The following BARD1 variants were observed in gnomAD, a reference collection of about 807,000 sequenced individuals.
BARD1 encodes BRCA1 associated RING domain 1, also known as BRCA1-associated RING domain protein 1.
In BARD1, 73 loss-of-function variants were observed where a neutral mutation model predicts 77.0. That is an observed-to-expected ratio of 0.95 (90% CI 0.79 to 1.15). The LOEUF (loss-of-function observed/expected upper bound fraction) is 1.15. Ranked by LOEUF, BARD1 falls within the 50% of genes most tolerant of loss-of-function variation. The pLI is 0.00. For synonymous variants in BARD1, 384 were observed against 338.0 expected, an observed-to-expected ratio of 1.14 and a Z score of -1.49; for missense variants, 993 against 938.8, an observed-to-expected ratio of 1.06 and a Z score of -0.75.
rs541148071 is a variant in BARD1 at position 214,764,625 on chromosome 2, T to A, written c.1568+2857A>T. 3.3e-5 allele frequency among the ~76,000 whole-genome samples: 5 copies of A among 152,282 alleles called. No homozygotes were observed. In the South Asian group the frequency reaches 1.0e-3, roughly 32 times the overall value. On this transcript the variant is annotated intron_variant, in intron 6 of 10. Coordinates refer to ENST00000260947, the MANE Select transcript of BARD1 (RefSeq NM_000465.4). ...TAGCACCAGACCATCCAGGGTCTTA[T>A]AAACCATATTTTGGGATTTAACCTT...
Position 214,807,138 on chromosome 2 carries a change from C to T in BARD1, c.158+2274G>A, listed in dbSNP as rs6752805. 1.5e-3 allele frequency among the ~76,000 whole-genome samples: 225 copies of T among 151,628 alleles called. 1 individual carries two copies. Among genetic ancestry groups the T allele is most frequent in the African/African-American group, 5.2e-3 (214 of 41,340 alleles). ...AAATATTAATTACCTGGCCCTTTAC[C>T]GAAAAAATTTGCAGACCCCTACATG... is the stretch of plus-strand genomic sequence containing the variant. On this transcript the variant is annotated intron_variant, in intron 1 of 10. Transcript: ENST00000260947.
chr2:214,767,400 A>C, intron 6 of BARD1, 82 bp downstream of exon 6: 1 of 1,382,608 alleles, frequency 7.2e-7, no homozygotes, highest in Non-Finnish European at 1.0e-6. Flanking sequence ...CAACTTGACT[A>C]TTTTAAAGTC....
intron 1 of BARD1, among the ~76,000 whole-genome samples, chr2:214,801,101 G>A (rs1695996706): frequency 1.3e-5 from 2 of 152,184 alleles, no homozygotes; most frequent in Admixed American, 1.3e-4. Flanking sequence ...AGCAAAGAAT[G>A]TTTTCATTAA....
Position 214,797,137 on chromosome 2 carries a change from C to A in BARD1, c.159-20G>T, listed in dbSNP as rs2106145881. ...TTAGTACTGTTTGAAGAAATTAAAA[C>A]AATCAAGATTTGAGTCATTGTTAGA... On this transcript the variant is annotated intron_variant, in intron 1 of 10. Coordinates refer to ENST00000260947, the MANE Select transcript of BARD1 (RefSeq NM_000465.4). The A allele has an allele frequency of 6.2e-7, 1 of 1,604,012 alleles. No individual in the cohort carries two copies. Among genetic ancestry groups the A allele is most frequent in the Non-Finnish European group, 8.5e-7 (1 of 1,171,088 alleles).
chr2:214,736,759 T>C (rs1227826756), intron 9 of BARD1, among the ~76,000 whole-genome samples: 1 of 152,102 alleles, frequency 6.6e-6, no homozygotes, highest in African/African-American at 2.4e-5. Flanking sequence ...GGTACTTCCA[T>C]GAGAAGGAGC....
chr2:214,736,611 A>T (rs930228598), intron 9 of BARD1, among the ~76,000 whole-genome samples: 5 of 152,140 alleles, frequency 3.3e-5, no homozygotes, highest in Non-Finnish European at 5.9e-5. Context: ...ATTTACAAGA[A>T]ACACATTAAA....
At chr2:214,758,015 T>C (rs2106052011) in intron 6 of BARD1, among the ~76,000 whole-genome samples, 1 of 152,298 alleles carries the variant, frequency 6.6e-6, no homozygotes, top group African/African-American at 2.4e-5. Context: ...ACTCTCGAAC[T>C]GTAAGCTATG....
chr2:214,790,623 T>C (rs916322050), intron 3 of BARD1, among the ~76,000 whole-genome samples: 9 of 152,196 alleles, frequency 5.9e-5, no homozygotes, highest in African/African-American at 1.9e-4. Flanking sequence ...TTTGTGATAC[T>C]TTGTTACAGC....
chr2:214,735,287 CA>C (rs916156601), intron 9 of BARD1, among the ~76,000 whole-genome samples: 1 of 151,950 alleles, frequency 6.6e-6, no homozygotes, highest in Admixed American at 6.6e-5. Flanking sequence ...CACAAAAATG[CA>C]AAAAACATGG....
chr2:214,773,151 A>T (rs1694586881), intron 4 of BARD1, among the ~76,000 whole-genome samples: 3 of 152,194 alleles, frequency 2.0e-5, no homozygotes, highest in African/African-American at 7.2e-5. Context: ...ATCCACACAT[A>T]TTCCAACAAT....
intron 4 of BARD1, among the ~76,000 whole-genome samples, chr2:214,774,160 T>A (rs1176961513): frequency 6.6e-6 from 1 of 152,210 alleles, no homozygotes; most frequent in Non-Finnish European, 1.5e-5. Context: ...ACATCTATAG[T>A]TACTTTCTCC....
intron 5 of BARD1, among the ~76,000 whole-genome samples, chr2:214,768,887 C>T (rs1694341074): frequency 6.6e-6 from 1 of 152,198 alleles, no homozygotes; most frequent in Non-Finnish European, 1.5e-5. Flanking sequence ...GTTCCTCCGA[C>T]CTCTTTTTGT....
chr2:214,738,080 T>C (rs138663475), intron 9 of BARD1, among the ~76,000 whole-genome samples: 69 of 152,336 alleles, frequency 4.5e-4, no homozygotes, highest in African/African-American at 1.7e-3. Flanking sequence ...GAATGATACA[T>C]ACTTGAAAAT....
At chr2:214,808,237 A>G (rs1422076300) in intron 1 of BARD1, among the ~76,000 whole-genome samples, 2 of 152,144 alleles carry the variant, frequency 1.3e-5, no homozygotes, top group African/African-American at 2.4e-5. Context: ...GTGAAACCCC[A>G]TCTGTACTAA....
At chr2:214,803,447 G>A (rs144681479) in intron 1 of BARD1, among the ~76,000 whole-genome samples, 3,071 of 152,356 alleles carry the variant, frequency 0.02, 92 homozygotes, top group African/African-American at 0.067. Flanking sequence ...CATCTACTGA[G>A]ATAGGGAAAA....
intron 1 of BARD1, among the ~76,000 whole-genome samples, chr2:214,801,085 G>A (rs1695995803): frequency 6.6e-6 from 1 of 152,156 alleles, no homozygotes; most frequent in Admixed American, 6.5e-5. Context: ...GGGTGATGAA[G>A]GATGAAGCAA....
intron 1 of BARD1, among the ~76,000 whole-genome samples, chr2:214,801,860 G>GGGGGGGGTT (rs1696040640): frequency 7.8e-6 from 1 of 128,706 alleles, no homozygotes; most frequent in African/African-American, 2.9e-5. Context: ...GGGGGGGGGG[G>GGGGGGGGTT]TTGTTTTTGT....
At chr2:214,805,530 T>C (rs1334484696) in intron 1 of BARD1, among the ~76,000 whole-genome samples, 2 of 152,172 alleles carry the variant, frequency 1.3e-5, no homozygotes, top group African/African-American at 4.8e-5. Flanking sequence ...TTCACAAATA[T>C]TCATATAGTA....
At position 214,728,552 on chromosome 2, in the gene BARD1, T is replaced by TTTTATTCAAA; in HGVS notation, c.*123_*124insTTTGAATAAA. Reference sequence around the variant, plus strand: ...TGGCATTAGACTTTTTTTTTTTTTTTGATTCAAAGACAAATATGAATGACT... The same window carrying TTTTATTCAAA: ...TGGCATTAGACTTTTTTTTTTTTTTTTTTATTCAAAGATTCAAAGACAAATATGAATGACT... On this transcript the variant is annotated 3_prime_UTR_variant, in exon 11 of 11. Coordinates refer to ENST00000260947, the MANE Select transcript of BARD1 (RefSeq NM_000465.4). 1.1e-6 allele frequency: 1 copy of TTTTATTCAAA among 911,080 alleles called. No individual in the cohort carries two copies. Among genetic ancestry groups the TTTTATTCAAA allele is most frequent in the Non-Finnish European group, 1.6e-6 (1 of 619,286 alleles). The allele number at this position is 911,080 out of a possible 1,614,324, so 56.4% of individuals were successfully genotyped here. A position where few individuals can be genotyped will look rare whatever the true frequency, so the allele number is the denominator to read the frequency against.
Sources: allele counts gnomAD v4.1 joint callset (sites outside exome capture counted in the v4.1 genomes callset), GRCh38; gene constraint gnomAD v4.1.1; transcripts MANE v1.5; gene names NCBI Gene and HGNC (gene_info 2026-07-23, HGNC 2026-07-21).